The following SPATA31D3 variants were observed in gnomAD, a reference collection of about 807,000 sequenced individuals.
The protein encoded by SPATA31D3 is SPATA31 subfamily D member 3.
For missense variants in SPATA31D3, 91 were observed against 297.9 expected, an observed-to-expected ratio of 0.31 and a Z score of 5.11; for synonymous variants, 27 against 107.8, an observed-to-expected ratio of 0.25 and a Z score of 4.65.
In SPATA31D3 at chr9:81,949,791, C is replaced by T. The variant is rs1164770118; in HGVS notation, c.*1784C>T. On this transcript the variant is annotated 3_prime_UTR_variant, in exon 4 of 4. Transcript: ENST00000445385. ...CTGCAATGATTAGACAGATCATAGA[C>T]AAGGACAGATAGCCCCAGGAAGTTG... 7.7e-7 allele frequency: 1 copy of T among 1,304,562 alleles called. No individual in the cohort carries two copies. The highest frequency in any genetic ancestry group is 1.2e-5 in the South Asian group (1 of 83,848). 80.8% of individuals were successfully genotyped at this position (1,304,562 alleles called of 1,614,324 possible).
In SPATA31D3 at chr9:81,949,298, C is replaced by T. The variant is rs1464089782; in HGVS notation, c.*1291C>T. 4.7e-5 allele frequency: 17 copies of T among 363,662 alleles called. No individual in the cohort carries two copies. The highest frequency in any genetic ancestry group is 7.0e-5 in the Non-Finnish European group (13 of 186,778). 22.5% of individuals were successfully genotyped at this position (363,662 alleles called of 1,614,324 possible). On this transcript the variant is annotated 3_prime_UTR_variant, in exon 4 of 4. Coordinates refer to ENST00000445385, the MANE Select transcript of SPATA31D3 (RefSeq NM_207416.3). ...ATTCATAACAAGACATCAAGGGAGT[C>T]GCTTGGGAGCAAATCTTCCCCAACC...
In SPATA31D3 at chr9:81,947,863, T is replaced by A; in HGVS notation, c.2610T>A (p.His870Gln). 6.2e-7 allele frequency: 1 copy of A among 1,611,266 alleles called. No individual in the cohort carries two copies. Among genetic ancestry groups the A allele is most frequent in the Non-Finnish European group, 8.5e-7 (1 of 1,179,196 alleles). The change falls in exon 4 of 4, where the codon CAT (histidine) becomes CAA (glutamine). Residue 870 changes from histidine to glutamine, a missense_variant. Transcript: ENST00000445385. The stretch of plus-strand genomic sequence containing the variant: ...AGAAATCCCACAGCCAAATTAAACA[T>A]CGAAATTTGGCAGCATTGGTGAGTG... ...LPEKSHSQIK[H>Q]RNLAALVSED... is the part of the protein sequence containing the mutation.
chr9:81,949,399 A>C lies in SPATA31D3; in HGVS notation c.*1392A>C. ...CTTTTTGCAGCAGTCTAATAAACCC[A>C]TCATAACATATGGAAAACAAGAAAG... On this transcript the variant is annotated 3_prime_UTR_variant, in exon 4 of 4. Coordinates refer to ENST00000445385, the MANE Select transcript of SPATA31D3 (RefSeq NM_207416.3). 1 of 369,370 alleles carries C rather than the reference A, an allele frequency of 2.7e-6. No individual in the cohort carries two copies. The highest frequency in any genetic ancestry group is 3.3e-5 in the South Asian group (1 of 30,036). 22.9% of individuals were successfully genotyped at this position (369,370 alleles called of 1,614,324 possible). A position where few individuals can be genotyped will look rare whatever the true frequency, so the allele number is the denominator to read the frequency against.
Position 81,949,184 on chromosome 9 carries a change from G to A in SPATA31D3, c.*1177G>A, listed in dbSNP as rs142232161. ...AAGAATTTTTCACCAGCTACAAAGA[G>A]AGTGAGCCCTCTAAGACCTAATGGA... On this transcript the variant is annotated 3_prime_UTR_variant, in exon 4 of 4. Coordinates refer to ENST00000445385, the MANE Select transcript of SPATA31D3 (RefSeq NM_207416.3). The A allele has an allele frequency of 2.0e-6, 1 of 489,114 alleles. No homozygotes were observed. The allele number at this position is 489,114 out of a possible 1,614,324, so 30.3% of individuals were successfully genotyped here.
In SPATA31D3 at chr9:81,949,267, C is replaced by T. The variant is rs1255351706; in HGVS notation, c.*1260C>T. The T allele has an allele frequency of 2.7e-6, 1 of 375,410 alleles. No individual in the cohort carries two copies. The highest frequency in any genetic ancestry group is 4.0e-5 in the South Asian group (1 of 25,012). 23.3% of individuals were successfully genotyped at this position (375,410 alleles called of 1,614,324 possible). Reference sequence around the variant, plus strand: ...GACATCCCAACTCAGAAGAAAGAGCCATGCTATTCATAACAAGACATCAAG... The same window carrying T: ...GACATCCCAACTCAGAAGAAAGAGCTATGCTATTCATAACAAGACATCAAG... On this transcript the variant is annotated 3_prime_UTR_variant, in exon 4 of 4. Transcript: ENST00000445385.
chr9:81,949,665 G>A lies in SPATA31D3; in HGVS notation c.*1658G>A, dbSNP rs1296466561. The A allele has an allele frequency of 8.9e-7, 1 of 1,127,210 alleles. No individual in the cohort carries two copies. The highest frequency in any genetic ancestry group is 1.3e-6 in the Non-Finnish European group (1 of 745,912). The allele number at this position is 1,127,210 out of a possible 1,614,324, so 69.8% of individuals were successfully genotyped here. A position where few individuals can be genotyped will look rare whatever the true frequency, so the allele number is the denominator to read the frequency against. ...TGCCAGAACTGCAGGTCAGAGCAGA[G>A]CCTGTCCAGGGCTATCCCTGCAACT... On this transcript the variant is annotated 3_prime_UTR_variant, in exon 4 of 4. Transcript: ENST00000445385.
At position 81,949,808 on chromosome 9, in the gene SPATA31D3, A is replaced by C; in HGVS notation, c.*1801A>C. ...ATCATAGACAAGGACAGATAGCCCC[A>C]GGAAGTTGGACATTTAAGGGGAAGA... On this transcript the variant is annotated 3_prime_UTR_variant, in exon 4 of 4. Transcript: ENST00000445385. 8.2e-7 allele frequency: 1 copy of C among 1,223,944 alleles called. No homozygotes were observed. Among genetic ancestry groups the C allele is most frequent in the Non-Finnish European group, 1.2e-6 (1 of 834,818 alleles). The allele number at this position is 1,223,944 out of a possible 1,614,324, so 75.8% of individuals were successfully genotyped here. A position where few individuals can be genotyped will look rare whatever the true frequency, so the allele number is the denominator to read the frequency against.
Position 81,950,001 on chromosome 9 carries a change from A to G in SPATA31D3, c.*1994A>G, listed in dbSNP as rs1824008419. On this transcript the variant is annotated 3_prime_UTR_variant, in exon 4 of 4. Coordinates refer to ENST00000445385, the MANE Select transcript of SPATA31D3 (RefSeq NM_207416.3). ...CTAACTGGACAGAAAATACTTCCAA[A>G]GCATTTGCAGGGAGGAAAATTTCCC... 2.8e-6 allele frequency: 1 copy of G among 361,376 alleles called. No homozygotes were observed. The allele number at this position is 361,376 out of a possible 1,614,324, so 22.4% of individuals were successfully genotyped here.
rs1823988436 is a variant in SPATA31D3 at position 81,949,660 on chromosome 9, G to A, written c.*1653G>A. The A allele has an allele frequency of 9.2e-7, 1 of 1,081,616 alleles. No homozygotes were observed. The highest frequency in any genetic ancestry group is 1.4e-6 in the Non-Finnish European group (1 of 705,366). The allele number at this position is 1,081,616 out of a possible 1,614,324, so 67.0% of individuals were successfully genotyped here. The stretch of plus-strand genomic sequence containing the variant: ...GAATGTGCCAGAACTGCAGGTCAGA[G>A]CAGAGCCTGTCCAGGGCTATCCCTG... On this transcript the variant is annotated 3_prime_UTR_variant, in exon 4 of 4. Coordinates refer to ENST00000445385, the MANE Select transcript of SPATA31D3 (RefSeq NM_207416.3).
In SPATA31D3 at chr9:81,950,046, C is replaced by G. The variant is rs145630063; in HGVS notation, c.*2039C>G. 1.9e-4 allele frequency: 60 copies of G among 312,500 alleles called. No individual in the cohort carries two copies. The highest frequency in any genetic ancestry group is 1.2e-3 in the African/African-American group (58 of 46,890). The allele number at this position is 312,500 out of a possible 1,614,324, so 19.4% of individuals were successfully genotyped here. On this transcript the variant is annotated 3_prime_UTR_variant, in exon 4 of 4. Coordinates refer to ENST00000445385, the MANE Select transcript of SPATA31D3 (RefSeq NM_207416.3). ...TTTCCCCCCAAAAAATAATTAACTCCTTGTTGAGAATCTTGACTCTCCCCA... is the reference window on the plus strand; with the variant it reads ...TTTCCCCCCAAAAAATAATTAACTCGTTGTTGAGAATCTTGACTCTCCCCA...
rs1587489057 is a variant in SPATA31D3, at chr9:81,950,050, T to A, written c.*2043T>A. The A allele has an allele frequency of 3.3e-6, 1 of 305,112 alleles. No homozygotes were observed. 18.9% of individuals were successfully genotyped at this position (305,112 alleles called of 1,614,324 possible). On this transcript the variant is annotated 3_prime_UTR_variant, in exon 4 of 4. Coordinates refer to ENST00000445385, the MANE Select transcript of SPATA31D3 (RefSeq NM_207416.3). ...CCCCCAAAAAATAATTAACTCCTTG[T>A]TGAGAATCTTGACTCTCCCCAATAA...
At position 81,949,671 on chromosome 9, in the gene SPATA31D3, C is replaced by A; in HGVS notation, c.*1664C>A. On this transcript the variant is annotated 3_prime_UTR_variant, in exon 4 of 4. Coordinates refer to ENST00000445385, the MANE Select transcript of SPATA31D3 (RefSeq NM_207416.3). ...AACTGCAGGTCAGAGCAGAGCCTGT[C>A]CAGGGCTATCCCTGCAACTACATGG... 1 of 1,177,972 alleles carries A rather than the reference C, an allele frequency of 8.5e-7. No individual in the cohort carries two copies. The highest frequency in any genetic ancestry group is 1.3e-6 in the Non-Finnish European group (1 of 791,000). The allele number at this position is 1,177,972 out of a possible 1,614,324, so 73.0% of individuals were successfully genotyped here.
At position 81,947,847 on chromosome 9, in the gene SPATA31D3, A is replaced by G; in HGVS notation, c.2594A>G (p.His865Arg). The G allele has an allele frequency of 1.2e-6, 2 of 1,609,542 alleles. No homozygotes were observed. The highest frequency in any genetic ancestry group is 1.7e-6 in the Non-Finnish European group (2 of 1,178,454). ...ACAATATGTCTTCCTGAGAAATCCC[A>G]CAGCCAAATTAAACATCGAAATTTG... ...KQTICLPEKSHSQIKHRNLAA... is the reference protein window; with the variant it reads ...KQTICLPEKSRSQIKHRNLAA... Residue 865 changes from histidine (H) to arginine (R), a missense_variant, in exon 4 of 4, where the codon CAC becomes CGC. Transcript: ENST00000445385.
In SPATA31D3 at chr9:81,947,864, C is replaced by T. The variant is rs372831178; in HGVS notation, c.2611C>T (p.Arg871Ter). The change falls in exon 4 of 4, where the codon CGA (arginine) becomes TGA (stop). Residue 871 changes from arginine (R) to a stop codon, truncating the protein, a stop_gained. Transcript: ENST00000445385. LOFTEE classifies it low-confidence loss of function (END_TRUNC). The stretch of plus-strand genomic sequence containing the variant: ...GAAATCCCACAGCCAAATTAAACAT[C>T]GAAATTTGGCAGCATTGGTGAGTGA... ...PEKSHSQIKH[R>*]NLAALVSEDH... The T allele has an allele frequency of 2.1e-5, 34 of 1,611,138 alleles. No individual in the cohort carries two copies. Among genetic ancestry groups the T allele is most frequent in the African/African-American group, 9.4e-5 (7 of 74,264 alleles).
chr9:81,949,283 A>G lies in SPATA31D3; in HGVS notation c.*1276A>G. The G allele has an allele frequency of 2.7e-6, 1 of 374,876 alleles. No homozygotes were observed. Among genetic ancestry groups the G allele is most frequent in the South Asian group, 3.8e-5 (1 of 26,340 alleles). 23.2% of individuals were successfully genotyped at this position (374,876 alleles called of 1,614,324 possible). On this transcript the variant is annotated 3_prime_UTR_variant, in exon 4 of 4. Transcript: ENST00000445385. ...AGAAAGAGCCATGCTATTCATAACA[A>G]GACATCAAGGGAGTCGCTTGGGAGC...
rs1823964973 is a variant in SPATA31D3, at chr9:81,949,244, C to T, written c.*1237C>T. On this transcript the variant is annotated 3_prime_UTR_variant, in exon 4 of 4. Coordinates refer to ENST00000445385, the MANE Select transcript of SPATA31D3 (RefSeq NM_207416.3). Reference sequence around the variant, plus strand: ...GGTGGAGGGGATGCAGGGCTGGGGACATCCCAACTCAGAAGAAAGAGCCAT... The same window carrying T: ...GGTGGAGGGGATGCAGGGCTGGGGATATCCCAACTCAGAAGAAAGAGCCAT... The T allele has an allele frequency of 2.6e-6, 1 of 382,782 alleles. No homozygotes were observed. Among genetic ancestry groups the T allele is most frequent in the Non-Finnish European group, 5.0e-6 (1 of 201,260 alleles). 23.7% of individuals were successfully genotyped at this position (382,782 alleles called of 1,614,324 possible). A position where few individuals can be genotyped will look rare whatever the true frequency, so the allele number is the denominator to read the frequency against.
Position 81,947,667 on chromosome 9 carries a change from A to G in SPATA31D3, c.2414A>G (p.His805Arg), listed in dbSNP as rs1823912002. The stretch of plus-strand genomic sequence containing the variant: ...AACTCTGAGAGAGACCTAGGAACTC[A>G]TATGATGCATCTGTCAGGGAATGAT... ...RSNSERDLGTHMMHLSGNDSG... is the reference protein window; with the variant it reads ...RSNSERDLGTRMMHLSGNDSG... Residue 805 changes from histidine to arginine, a missense_variant, in exon 4 of 4, where the codon CAT (histidine) becomes CGT (arginine). His to Arg is a conservative substitution (Grantham distance 29). Coordinates refer to ENST00000445385, the MANE Select transcript of SPATA31D3 (RefSeq NM_207416.3). 6.3e-7 allele frequency: 1 copy of G among 1,584,810 alleles called. No homozygotes were observed. Among genetic ancestry groups the G allele is most frequent in the South Asian group, 1.1e-5 (1 of 89,702 alleles).
Position 81,949,474 on chromosome 9 carries a change from C to T in SPATA31D3, c.*1467C>T, listed in dbSNP as rs528077264. 2.1e-4 allele frequency: 101 copies of T among 480,630 alleles called. No individual in the cohort carries two copies. The highest frequency in any genetic ancestry group is 1.1e-3 in the South Asian group (49 of 44,832). The allele number at this position is 480,630 out of a possible 1,614,324, so 29.8% of individuals were successfully genotyped here. On this transcript the variant is annotated 3_prime_UTR_variant, in exon 4 of 4. Transcript: ENST00000445385. ...GTCATCATCTGTGCAGAATAGAGGT[C>T]GAGTTAAAAGTAGAGCTGTCTTTAC...
chr9:81,949,405 A>C lies in SPATA31D3; in HGVS notation c.*1398A>C. 1 of 371,286 alleles carries C rather than the reference A, an allele frequency of 2.7e-6. No individual in the cohort carries two copies. The allele number at this position is 371,286 out of a possible 1,614,324, so 23.0% of individuals were successfully genotyped here. On this transcript the variant is annotated 3_prime_UTR_variant, in exon 4 of 4. Transcript: ENST00000445385. ...GCAGCAGTCTAATAAACCCATCATA[A>C]CATATGGAAAACAAGAAAGTTCCTA...
Sources: gnomAD v4.1 joint callset for allele counts on GRCh38, gnomAD v4.1.1 for gene constraint, MANE v1.5 for transcripts, NCBI Gene and HGNC (gene_info 2026-07-23, HGNC 2026-07-21) for gene names.